Variants in NIN observed in about 807,000 individuals in gnomAD.
The protein encoded by NIN is glycogen synthase kinase 3 beta-interacting protein.
A neutral mutation model predicts 257.6 loss-of-function variants in NIN; 137 were observed. That is an observed-to-expected ratio of 0.53 (90% CI 0.46 to 0.61). The LOEUF (loss-of-function observed/expected upper bound fraction) is 0.61. Among genes scored for constraint, NIN ranks in the 20% least tolerant of loss-of-function variants. The pLI, the probability that NIN is intolerant of heterozygous loss-of-function variation, is 0.00. For synonymous variants in NIN, 918 were observed against 919.8 expected (o/e 1.00, Z 0.04); for missense variants, 2,439 against 2,501.2 (o/e 0.98, Z 0.53).
At chr14:50,769,847 G>C (rs2042654173) in intron 12 of NIN, among the ~76,000 whole-genome samples, 1 of 151,998 alleles carries the variant, frequency 6.6e-6, no homozygotes, top group African/African-American at 2.4e-5. Context: ...GCAGGCCGAG[G>C]CTGGAGGATC....
rs1179748640 is a variant in NIN, at chr14:50,739,609, C to T, written c.5449-122G>A. On this transcript the variant is annotated intron_variant, in intron 25 of 30. Coordinates refer to ENST00000530997, the MANE Select transcript of NIN (RefSeq NM_020921.4). ...AATAAGTACCTTTCAATTGTCCCCT[C>T]AGTCTTCTAATGAAAGTATGTGTAT... 7.8e-6 allele frequency: 6 copies of T among 766,962 alleles called. No individual in the cohort carries two copies. The East Asian group carries it at 1.5e-4, about 20-fold the overall frequency. 47.5% of individuals were successfully genotyped at this position (766,962 alleles called of 1,614,324 possible).
intron 5 of NIN, among the ~76,000 whole-genome samples, chr14:50,789,500 G>A (rs1250541648): frequency 2.0e-5 from 3 of 152,204 alleles, no homozygotes; most frequent in Non-Finnish European, 2.9e-5. Flanking sequence ...GAACCTGGGA[G>A]GCGGAGCTTC....
intron 27 of NIN, among the ~76,000 whole-genome samples, chr14:50,735,950 G>A (rs1461551971): frequency 6.6e-6 from 1 of 151,994 alleles, no homozygotes; most frequent in African/African-American, 2.4e-5. Flanking sequence ...CCTTACCATG[G>A]ACCATGTACT....
At chr14:50,737,514 A>T (rs2041043929) in intron 27 of NIN, among the ~76,000 whole-genome samples, 1 of 150,270 alleles carries the variant, frequency 6.7e-6, no homozygotes, top group African/African-American at 2.5e-5. Flanking sequence ...AAAAAAAAAA[A>T]AAAAAAGCCC....
At chr14:50,825,238 AC>A (rs2045406279) in intron 2 of NIN, among the ~76,000 whole-genome samples, 1 of 152,226 alleles carries the variant, frequency 6.6e-6, no homozygotes, top group African/African-American at 2.4e-5. Flanking sequence ...CTACAGATCT[AC>A]CTCCAAAGAA....
At chr14:50,764,744 T>C (rs1410212885) in intron 14 of NIN, among the ~76,000 whole-genome samples, 3 of 152,040 alleles carry the variant, frequency 2.0e-5, no homozygotes, top group African/African-American at 7.2e-5. Context: ...TCCATTTATA[T>C]GAAATGTATA....
chr14:50,824,251 T>C (rs2045361345), intron 2 of NIN, among the ~76,000 whole-genome samples: 1 of 152,244 alleles, frequency 6.6e-6, no homozygotes, highest in South Asian at 2.1e-4. Context: ...ACTGATGTAC[T>C]GAGAAGCCCT....
upstream of NIN, among the ~76,000 whole-genome samples, chr14:50,831,474 C>A (rs908158422): frequency 6.6e-6 from 1 of 152,216 alleles, no homozygotes; most frequent in Non-Finnish European, 1.5e-5. Flanking sequence ...CGCGGACACT[C>A]GGGCCGCAGC....
At chr14:50,792,971 C>G in intron 4 of NIN, 90 bp from the exon 5 acceptor site, 1 of 1,337,252 alleles carries the variant, frequency 7.5e-7, no homozygotes, top group South Asian at 1.3e-5. Context: ...GCCTCTTATA[C>G]CAACCTCAAA....
Position 50,759,511 on chromosome 14 carries a change from TG to T in NIN, c.2399+345del, listed in dbSNP as rs1168543507. Among the ~76,000 whole-genome samples the T allele has an allele frequency of 6.7e-3, 937 of 138,954 alleles. 7 individuals carry two copies. The highest frequency in any genetic ancestry group is 0.024 in the African/African-American group (867 of 36,176). The allele number at this position is 138,954 out of a possible 152,430, so 91.2% of individuals were successfully genotyped here. ...GCGACTGGCACTTTTTTTTTTTTTT[TG>T]AGACGGAGTCTCGCTCTGTCGCCCA... On this transcript the variant is annotated intron_variant, in intron 17 of 30. Coordinates refer to ENST00000530997, the MANE Select transcript of NIN (RefSeq NM_020921.4).
At chr14:50,740,389 C>G (rs1019812892) in intron 25 of NIN, among the ~76,000 whole-genome samples, 3 of 151,784 alleles carry the variant, frequency 2.0e-5, no homozygotes, top group African/African-American at 7.3e-5. Flanking sequence ...AGCTCTGTCG[C>G]CCAGGCTGGA....
intron 3 of NIN, among the ~76,000 whole-genome samples, chr14:50,810,064 T>C (rs1028089638): frequency 2.0e-5 from 3 of 151,854 alleles, no homozygotes; most frequent in Non-Finnish European, 2.9e-5. Flanking sequence ...ACCCCATCTC[T>C]ACTAAAAACA....
intron 2 of NIN, among the ~76,000 whole-genome samples, chr14:50,824,033 C>T (rs564776730): frequency 5.3e-5 from 8 of 152,154 alleles, no homozygotes; most frequent in Non-Finnish European, 1.0e-4. Context: ...TTCAGTGTTG[C>T]GGTAGCTCTT....
chr14:50,722,911 G>A lies in NIN; in HGVS notation c.*552C>T, dbSNP rs1207782948. The A allele has an allele frequency of 4.7e-6, 1 of 214,638 alleles. No individual in the cohort carries two copies. The allele number at this position is 214,638 out of a possible 1,614,324, so 13.3% of individuals were successfully genotyped here. On this transcript the variant is annotated 3_prime_UTR_variant, in exon 31 of 31. Coordinates refer to ENST00000530997, the MANE Select transcript of NIN (RefSeq NM_020921.4). ...TAGAAGGTTAGAATTCTACAGATTTGGGTTTGTCTGATGTCAGCGGTTAAT... is the reference window on the plus strand; with the variant it reads ...TAGAAGGTTAGAATTCTACAGATTTAGGTTTGTCTGATGTCAGCGGTTAAT...
intron 25 of NIN, 95 bp from the exon 26 acceptor site, chr14:50,739,582 C>A: frequency 9.3e-7 from 1 of 1,079,948 alleles, no homozygotes. Context: ...ACAACGACTC[C>A]TAATAAGTAC....
At chr14:50,806,530 A>G (rs1323455195) in intron 4 of NIN, 1 of 469,324 alleles carries the variant, frequency 2.1e-6, no homozygotes, top group Non-Finnish European at 3.7e-6. Flanking sequence ...CCATAATACT[A>G]TGCTGCTGTA....
At chr14:50,772,840 CCT>C in intron 8 of NIN, 107 bp downstream of exon 8, 1 of 892,830 alleles carries the variant, frequency 1.1e-6, no homozygotes, top group South Asian at 1.7e-5. Context: ...CTTTTGCTTC[CCT>C]CTCTTTCCTT....
At chr14:50,754,927 T>C (rs1430280879) in intron 18 of NIN, 60 bp from the exon 19 acceptor site, 3 of 1,187,550 alleles carry the variant, frequency 2.5e-6, no homozygotes, top group Admixed American at 5.1e-5. Flanking sequence ...CTTTGGAAAA[T>C]ATTTTCTAGT....
At chr14:50,767,410 G>A (rs2042532516) in intron 12 of NIN, among the ~76,000 whole-genome samples, 1 of 152,152 alleles carries the variant, frequency 6.6e-6, no homozygotes, top group Non-Finnish European at 1.5e-5. Flanking sequence ...GGACAGCATT[G>A]CAGTAGAATA....
Sources: gnomAD v4.1 joint callset for allele counts (sites outside exome capture counted in the v4.1 genomes callset) on GRCh38, gnomAD v4.1.1 for gene constraint, MANE v1.5 for transcripts, NCBI Gene and HGNC (gene_info 2026-07-23, HGNC 2026-07-21) for gene names.